The following ACYP2 variants were observed in gnomAD, a reference collection of about 807,000 sequenced individuals.
The protein encoded by ACYP2 is acylphosphatase 2.
Under a neutral mutation model 11.2 loss-of-function variants are expected in ACYP2, and 12 were observed. That is an observed-to-expected ratio of 1.08 (90% confidence interval 0.69 to 1.74). The LOEUF (loss-of-function observed/expected upper bound fraction) is 1.74. ACYP2 is among the 40% of genes most tolerant of loss of function. The pLI is 0.00. For synonymous variants in ACYP2, 43 were observed against 32.2 expected, an observed-to-expected ratio of 1.33 and a Z score of -1.13; for missense variants, 134 against 101.9, an observed-to-expected ratio of 1.31 and a Z score of -1.35.
chr2:53,991,604 C>T (rs1672298529), intron 2 of ACYP2, among the ~76,000 whole-genome samples: 1 of 151,872 alleles, frequency 6.6e-6, no homozygotes. Flanking sequence ...AGGGTTTCTC[C>T]ATGTTGGTCA....
At chr2:54,139,023 A>C (rs1434054633) in intron 6 of ACYP2, among the ~76,000 whole-genome samples, 3 of 152,202 alleles carry the variant, frequency 2.0e-5, no homozygotes, top group Admixed American at 1.3e-4. Context: ...TTGTTTGTAG[A>C]TTACAATCAA....
intron 6 of ACYP2, among the ~76,000 whole-genome samples, chr2:54,230,274 C>T (rs1241671164): frequency 6.6e-6 from 1 of 152,170 alleles, no homozygotes; most frequent in Non-Finnish European, 1.5e-5. Context: ...TTTACAACCC[C>T]CGCTCTCTCT....
chr2:54,055,934 A>G (rs1218819390), intron 3 of ACYP2, among the ~76,000 whole-genome samples: 4 of 152,236 alleles, frequency 2.6e-5, no homozygotes, highest in Non-Finnish European at 4.4e-5. Flanking sequence ...ACTGTAATAT[A>G]GTAGTACTGT....
chr2:54,032,460 G>C (rs1674634100), intron 2 of ACYP2, among the ~76,000 whole-genome samples: 1 of 152,014 alleles, frequency 6.6e-6, no homozygotes, highest in Non-Finnish European at 1.5e-5. Context: ...ATTTCTGAGG[G>C]CTCTTTTCTG....
intron 2 of ACYP2, among the ~76,000 whole-genome samples, chr2:54,012,228 T>G (rs1426812954): frequency 6.8e-6 from 1 of 146,194 alleles, no homozygotes; most frequent in Admixed American, 6.9e-5. Flanking sequence ...AGAGCGAGAC[T>G]CCGTCTCAAA....
intron 4 of ACYP2, among the ~76,000 whole-genome samples, chr2:54,118,680 A>C (rs2087315882): frequency 6.6e-6 from 1 of 152,274 alleles, no homozygotes; most frequent in African/African-American, 2.4e-5. Flanking sequence ...TTGGACCAGC[A>C]GTAAAAATAT....
intron 6 of ACYP2, among the ~76,000 whole-genome samples, chr2:54,224,101 C>T (rs1201324074): frequency 6.6e-6 from 1 of 152,064 alleles, no homozygotes; most frequent in African/African-American, 2.4e-5. Flanking sequence ...GCATAAAGAG[C>T]ATTTTATTTT....
chr2:54,012,431 A>G (rs1228507676), intron 2 of ACYP2, among the ~76,000 whole-genome samples: 1 of 152,180 alleles, frequency 6.6e-6, no homozygotes. Flanking sequence ...CCGGAGGATC[A>G]CTTGAGCCCA....
intron 6 of ACYP2, chr2:54,256,108 TA>T: frequency 6.2e-7 from 1 of 1,614,058 alleles, no homozygotes; most frequent in African/African-American, 1.3e-5. Context: ...TTCCAGAGCA[TA>T]GTCGAGAGTA....
chr2:54,236,009 T>C (rs1686462036), intron 6 of ACYP2, among the ~76,000 whole-genome samples: 1 of 152,180 alleles, frequency 6.6e-6, no homozygotes, highest in Non-Finnish European at 1.5e-5. Context: ...CTTATTGATC[T>C]TCTCTATTGT....
intron 6 of ACYP2, among the ~76,000 whole-genome samples, chr2:54,151,136 A>G (rs1237940818): frequency 6.6e-6 from 1 of 152,230 alleles, no homozygotes; most frequent in African/African-American, 2.4e-5. Context: ...ACTCACTAAT[A>G]GAGTTGTGTT....
At chr2:54,010,527 A>G (rs1465061541) in intron 2 of ACYP2, among the ~76,000 whole-genome samples, 3 of 151,808 alleles carry the variant, frequency 2.0e-5, no homozygotes, top group Admixed American at 2.0e-4. Context: ...TGATGGGATT[A>G]TTGTACATTG....
chr2:54,224,674 TAA>T (rs1473605581), intron 6 of ACYP2, among the ~76,000 whole-genome samples: 1 of 151,716 alleles, frequency 6.6e-6, no homozygotes, highest in Non-Finnish European at 1.5e-5. Flanking sequence ...TTTCAGGCTT[TAA>T]ACTTTCTTCG....
chr2:54,099,394 C>G (rs1678766329), intron 4 of ACYP2, among the ~76,000 whole-genome samples: 1 of 152,152 alleles, frequency 6.6e-6, no homozygotes, highest in Non-Finnish European at 1.5e-5. Context: ...TTTCTTCTGT[C>G]TAGCTAAAAT....
chr2:54,057,419 A>G (rs1676213732), intron 4 of ACYP2: 5 of 394,988 alleles, frequency 1.3e-5, no homozygotes, highest in Admixed American at 4.4e-5. Flanking sequence ...AGTTCATCAG[A>G]ACATTTTGGT....
At chr2:54,135,689 A>G (rs1359771651) in intron 5 of ACYP2, among the ~76,000 whole-genome samples, 1 of 152,182 alleles carries the variant, frequency 6.6e-6, no homozygotes, top group Non-Finnish European at 1.5e-5. Flanking sequence ...CATTTTCTAT[A>G]TTCAAAAGTA....
rs58842257 is a variant in ACYP2, at chr2:54,102,638, C to CAAAAAAAAAAA, written c.278-32789_278-32779dup. ...AAACCCAATTTAAGCTGGCTTAAGC[C>CAAAAAAAAAAA]AAAAAAAAAAAAAAAAAAAAAAAAA... On this transcript the variant is annotated intron_variant, in intron 4 of 6. Coordinates refer to ENST00000607452, the MANE Select transcript of ACYP2 (RefSeq NM_001320586.2). 1.3e-3 allele frequency among the ~76,000 whole-genome samples: 107 copies of CAAAAAAAAAAA among 83,302 alleles called. 21 individuals carry two copies. Among genetic ancestry groups the CAAAAAAAAAAA allele is most frequent in the Non-Finnish European group, 1.8e-3 (80 of 43,288 alleles). 54.6% of individuals were successfully genotyped at this position (83,302 alleles called of 152,430 possible).
intron 2 of ACYP2, among the ~76,000 whole-genome samples, chr2:54,038,354 T>A (rs1359502381): frequency 6.6e-6 from 1 of 151,650 alleles, no homozygotes; most frequent in Admixed American, 6.6e-5. Flanking sequence ...ATACTCTTTG[T>A]TTTTTTTGCA....
intron 4 of ACYP2, among the ~76,000 whole-genome samples, chr2:54,133,561 T>G (rs1681052159): frequency 6.6e-6 from 1 of 152,192 alleles, no homozygotes; most frequent in African/African-American, 2.4e-5. Context: ...TTCCTGATGT[T>G]TCTTTACTTA....
Sources: gnomAD v4.1 joint callset for allele counts (sites outside exome capture counted in the v4.1 genomes callset) on GRCh38, gnomAD v4.1.1 for gene constraint, MANE v1.5 for transcripts, NCBI Gene and HGNC (gene_info 2026-07-23, HGNC 2026-07-21) for gene names.